The following NFATC1 variants were observed in gnomAD, a reference collection of about 807,000 sequenced individuals.
NFATC1 encodes the protein nuclear factor of activated T-cells, cytoplasmic 1.
Under a neutral mutation model 76.0 loss-of-function variants are expected in NFATC1, and 22 were observed. That is an observed-to-expected ratio of 0.29 (90% CI 0.21 to 0.41). NFATC1 has a LOEUF of 0.41. Among genes scored for constraint, NFATC1 ranks in the 10% least tolerant of loss-of-function variants. The pLI is 1.00. For synonymous variants in NFATC1, 704 were observed against 613.1 expected (o/e 1.15, Z -2.19); for missense variants, 1,357 against 1,337.7 (o/e 1.01, Z -0.23).
chr18:79,402,598 G>A (rs771300621), intron 1 of NFATC1, among the ~76,000 whole-genome samples: 7 of 152,224 alleles, frequency 4.6e-5, no homozygotes, highest in Admixed American at 1.3e-4. Flanking sequence ...GACCACCGTG[G>A]TTTTGGGCTT....
intron 2 of NFATC1, among the ~76,000 whole-genome samples, chr18:79,414,591 G>A (rs1166314760): frequency 6.6e-6 from 1 of 152,228 alleles, no homozygotes; most frequent in African/African-American, 2.4e-5. Flanking sequence ...AAGAGTAGGT[G>A]ATAGAACCTT....
intron 1 of NFATC1, among the ~76,000 whole-genome samples, chr18:79,401,360 A>G (rs893608370): frequency 2.0e-4 from 31 of 152,232 alleles, no homozygotes; most frequent in African/African-American, 4.1e-4. Flanking sequence ...CTCTCTTTTA[A>G]AAACTCCAAC....
chr18:79,405,732 G>A (rs1203261802), intron 1 of NFATC1, among the ~76,000 whole-genome samples: 4 of 152,218 alleles, frequency 2.6e-5, no homozygotes, highest in African/African-American at 9.6e-5. Flanking sequence ...GTTTGATCAG[G>A]GAAAACGCAT....
chr18:79,459,147 T>C (rs558548395), intron 6 of NFATC1, among the ~76,000 whole-genome samples: 1 of 152,186 alleles, frequency 6.6e-6, no homozygotes, highest in Admixed American at 6.5e-5. Flanking sequence ...GCGTATCTGC[T>C]CCCACCTGCG....
intron 9 of NFATC1, among the ~76,000 whole-genome samples, chr18:79,518,268 C>T (rs77409324): frequency 0.068 from 10,318 of 152,322 alleles, 442 homozygotes; most frequent in South Asian, 0.13. Context: ...GCAGCCGCTG[C>T]GTCCAATGAC....
chr18:79,399,859 G>A (rs1012561570), intron 1 of NFATC1, among the ~76,000 whole-genome samples: 1 of 152,202 alleles, frequency 6.6e-6, no homozygotes, highest in Non-Finnish European at 1.5e-5. Context: ...AGCGTTGGCG[G>A]CCTCGGGCTG....
rs913543330 is a variant in NFATC1, at chr18:79,465,970, A to AGAC, written c.1960-1478_1960-1476dup. On this transcript the variant is annotated intron_variant, in intron 7 of 9. Coordinates refer to ENST00000427363, the MANE Select transcript of NFATC1 (RefSeq NM_001278669.2). This position sits in a 1 kb window ranked among gnomAD's most constrained non-coding sequence, Gnocchi z 4.2. ...GCTCTGATGCGGGGCAAAGGCAGGA[A>AGAC]GACGCCCATGTGCCATGGCTTCTGC... 6.6e-6 allele frequency among the ~76,000 whole-genome samples: 1 copy of AGAC among 152,232 alleles called. No individual in the cohort carries two copies. Among genetic ancestry groups the AGAC allele is most frequent in the Non-Finnish European group, 1.5e-5 (1 of 68,034 alleles).
intron 1 of NFATC1, among the ~76,000 whole-genome samples, chr18:79,397,810 C>G (rs1354065948): frequency 6.6e-6 from 1 of 152,162 alleles, no homozygotes; most frequent in Non-Finnish European, 1.5e-5. Flanking sequence ...AAGGAAAAAA[C>G]ACGACGGGGC....
intron 2 of NFATC1, among the ~76,000 whole-genome samples, chr18:79,424,182 C>T (rs1020816383): frequency 2.6e-5 from 4 of 152,226 alleles, no homozygotes; most frequent in African/African-American, 7.2e-5. Flanking sequence ...GGAATCATGT[C>T]GGGGGTGACG....
At chr18:79,477,503 G>T (rs955818027) in intron 8 of NFATC1, among the ~76,000 whole-genome samples, 1 of 152,194 alleles carries the variant, frequency 6.6e-6, no homozygotes, top group African/African-American at 2.4e-5. Context: ...GCGGAAGAAG[G>T]GGGTCCGGGG....
At chr18:79,432,314 C>T (rs188246684) in intron 2 of NFATC1, among the ~76,000 whole-genome samples, 2 of 55,300 alleles carry the variant, frequency 3.6e-5, no homozygotes, top group African/African-American at 7.9e-5. Flanking sequence ...CCACGGTGCT[C>T]GGGGTGAGCC....
intron 9 of NFATC1, among the ~76,000 whole-genome samples, chr18:79,514,241 C>T (rs563629990): frequency 7.9e-5 from 12 of 152,114 alleles, no homozygotes; most frequent in African/African-American, 2.7e-4. Flanking sequence ...GAGTTGGAGA[C>T]CACCCTGGGG....
chr18:79,492,873 C>CA (rs397937205), intron 9 of NFATC1, among the ~76,000 whole-genome samples: 4,685 of 68,438 alleles, frequency 0.068, 147 homozygotes, highest in East Asian at 0.19. Flanking sequence ...GACTCCATCT[C>CA]AAAAAAAAAA....
intron 2 of NFATC1, among the ~76,000 whole-genome samples, chr18:79,429,505 G>A (rs550565669): frequency 6.6e-6 from 1 of 152,260 alleles, no homozygotes; most frequent in African/African-American, 2.4e-5. Context: ...CGTTCCGGGG[G>A]ATGGGCTGGT....
Position 79,410,662 on chromosome 18 carries a change from C to T in NFATC1, c.387C>T (p.Tyr129=). 6.2e-7 allele frequency: 1 copy of T among 1,613,200 alleles called. No homozygotes were observed. Among genetic ancestry groups the T allele is most frequent in the Non-Finnish European group, 8.5e-7 (1 of 1,180,030 alleles). The change falls in exon 2 of 10, where the codon TAC becomes TAT. Residue 129 remains tyrosine (Y), a synonymous_variant. Transcript: ENST00000427363. This position sits in a 1 kb window ranked among gnomAD's most constrained non-coding sequence, Gnocchi z 6.7. ...RIEITSCLGL[Y]HNNNQFFHDV... is the part of the protein sequence containing the mutation. Reference sequence around the variant, plus strand: ...AGATAACCTCGTGCTTGGGCCTGTACCACAACAATAACCAGTTTTTCCACG... The same window carrying T: ...AGATAACCTCGTGCTTGGGCCTGTATCACAACAATAACCAGTTTTTCCACG...
chr18:79,480,120 C>T (rs2089222212), intron 8 of NFATC1, among the ~76,000 whole-genome samples: 1 of 152,248 alleles, frequency 6.6e-6, no homozygotes. Context: ...CCTGGACTGG[C>T]TCTCCAGACT....
intron 2 of NFATC1, among the ~76,000 whole-genome samples, chr18:79,431,135 A>G (rs1200936243): frequency 6.6e-6 from 1 of 152,242 alleles, no homozygotes; most frequent in East Asian, 1.9e-4. Context: ...AAAACCCCAC[A>G]GAGCGGAGGT....
intron 2 of NFATC1, among the ~76,000 whole-genome samples, chr18:79,419,175 C>T (rs2085981367): frequency 1.3e-5 from 2 of 152,150 alleles, no homozygotes; most frequent in Admixed American, 1.3e-4. Flanking sequence ...AGACGTGCGG[C>T]ACCACACCTG....
chr18:79,397,498 G>A (rs1011292540), intron 1 of NFATC1, among the ~76,000 whole-genome samples: 2 of 152,230 alleles, frequency 1.3e-5, no homozygotes, highest in African/African-American at 4.8e-5. Context: ...ACGGAGGGGG[G>A]TCCGTGTGGT....
Sources: allele counts gnomAD v4.1 joint callset (sites outside exome capture counted in the v4.1 genomes callset), GRCh38; gene constraint gnomAD v4.1.1; non-coding constraint Gnocchi (gnomAD v3.1); transcripts MANE v1.5; gene names NCBI Gene and HGNC (gene_info 2026-07-23, HGNC 2026-07-21).